The following CADM2 variants were observed in gnomAD, a reference collection of about 807,000 sequenced individuals.
CADM2 encodes the protein cell adhesion molecule 2, also known as immunoglobulin superfamily member 4D.
In CADM2, 12 loss-of-function variants were observed where a neutral mutation model predicts 49.8. The observed-to-expected ratio is 0.24, with a 90% confidence interval of 0.15 to 0.39. The LOEUF (loss-of-function observed/expected upper bound fraction) is 0.39, where lower values mean the gene tolerates loss of function less well. Ranked by LOEUF, CADM2 falls within the 10% of genes least tolerant of loss-of-function variation. The pLI is 1.00. For missense variants in CADM2, 378 were observed against 492.3 expected, an observed-to-expected ratio of 0.77 and a Z score of 2.20; for synonymous variants, 214 against 175.4, an observed-to-expected ratio of 1.22 and a Z score of -1.74.
chr3:85,089,133 G>C (rs956628404), intron 1 of CADM2, among the ~76,000 whole-genome samples: 9 of 151,928 alleles, frequency 5.9e-5, no homozygotes, highest in African/African-American at 1.9e-4. Flanking sequence ...GCAGTATTTA[G>C]AGTCTTCTAC....
At chr3:85,757,661 T>A (rs1201388767) in intron 2 of CADM2, among the ~76,000 whole-genome samples, 1 of 152,160 alleles carries the variant, frequency 6.6e-6, no homozygotes, top group Non-Finnish European at 1.5e-5. Flanking sequence ...TAATGATTAA[T>A]GCAGTTGAGA....
intron 1 of CADM2, among the ~76,000 whole-genome samples, chr3:85,034,367 G>C (rs2035118204): frequency 6.6e-6 from 1 of 151,966 alleles, no homozygotes; most frequent in Admixed American, 6.5e-5. Context: ...ACCTTTGCCT[G>C]GCTTATTTCC....
At chr3:85,660,086 T>C (rs6810163) in intron 1 of CADM2, among the ~76,000 whole-genome samples, 151,848 of 152,252 alleles carry the variant, frequency 1, 75,724 homozygotes, top group East Asian at 1. Context: ...TTGATTTTCT[T>C]CATTTGTACC....
chr3:85,686,456 C>A (rs1301572616), intron 1 of CADM2, among the ~76,000 whole-genome samples: 1 of 152,108 alleles, frequency 6.6e-6, no homozygotes, highest in Non-Finnish European at 1.5e-5. Context: ...TTTATGTAAT[C>A]TCTGACACTA....
At chr3:85,110,295 G>T (rs1364755374) in intron 1 of CADM2, among the ~76,000 whole-genome samples, 1 of 151,606 alleles carries the variant, frequency 6.6e-6, no homozygotes, top group African/African-American at 2.4e-5. Flanking sequence ...ACTGTGGGGG[G>T]CAGATTTTAT....
chr3:85,881,182 C>A (rs1226384306), intron 3 of CADM2, among the ~76,000 whole-genome samples: 1 of 151,972 alleles, frequency 6.6e-6, no homozygotes, highest in Non-Finnish European at 1.5e-5. Context: ...TTTCATTGTA[C>A]TATAGAGAAA....
intron 5 of CADM2, among the ~76,000 whole-genome samples, chr3:85,893,439 A>T (rs570197034): frequency 6.5e-4 from 99 of 152,340 alleles, no homozygotes; most frequent in African/African-American, 2.4e-3. Context: ...GGCATGGGCA[A>T]GGGCTTCATG....
At chr3:85,983,083 T>G (rs1727668864) in intron 8 of CADM2, among the ~76,000 whole-genome samples, 1 of 151,786 alleles carries the variant, frequency 6.6e-6, no homozygotes, top group Admixed American at 6.6e-5. Context: ...GCTGGATTTT[T>G]CATCCTATGA....
chr3:85,401,739 G>A (rs1195339025), intron 1 of CADM2, among the ~76,000 whole-genome samples: 1 of 152,050 alleles, frequency 6.6e-6, no homozygotes, highest in Non-Finnish European at 1.5e-5. Flanking sequence ...CAGACACAAA[G>A]GAAAGAGGGG....
At chr3:85,495,422 A>G (rs1381128925) in intron 1 of CADM2, among the ~76,000 whole-genome samples, 1 of 152,120 alleles carries the variant, frequency 6.6e-6, no homozygotes, top group Non-Finnish European at 1.5e-5. Context: ...TTCTTCCTTT[A>G]GCTAAAACTG....
At chr3:85,743,683 A>G (rs1186103441) in intron 2 of CADM2, among the ~76,000 whole-genome samples, 1 of 152,158 alleles carries the variant, frequency 6.6e-6, no homozygotes, top group Non-Finnish European at 1.5e-5. Flanking sequence ...ACCTGTCCTC[A>G]CAAATCCAGA....
At chr3:85,976,157 A>C (rs1726754031) in intron 8 of CADM2, among the ~76,000 whole-genome samples, 1 of 151,596 alleles carries the variant, frequency 6.6e-6, no homozygotes, top group Non-Finnish European at 1.5e-5. Flanking sequence ...ATATTGGGGA[A>C]TATTTTAAGC....
intron 1 of CADM2, among the ~76,000 whole-genome samples, chr3:85,679,407 T>C (rs2065975591): frequency 6.6e-6 from 1 of 152,174 alleles, no homozygotes; most frequent in Non-Finnish European, 1.5e-5. Flanking sequence ...TGGTCTCTGA[T>C]TGTCTTATGT....
At chr3:85,003,620 A>T (rs545029778) in intron 1 of CADM2, among the ~76,000 whole-genome samples, 1 of 152,254 alleles carries the variant, frequency 6.6e-6, no homozygotes, top group African/African-American at 2.4e-5. Flanking sequence ...CTTAAACCAA[A>T]AAAATAAAAT....
At chr3:85,987,487 GTA>G (rs1208087894) in intron 8 of CADM2, among the ~76,000 whole-genome samples, 1 of 150,272 alleles carries the variant, frequency 6.7e-6, no homozygotes, top group South Asian at 2.1e-4. Context: ...TAATCTAACA[GTA>G]TATATGTTTT....
chr3:85,442,852 A>G (rs9847561), intron 1 of CADM2, among the ~76,000 whole-genome samples: 129,020 of 151,332 alleles, frequency 0.85, 55,270 homozygotes, highest in East Asian at 0.95. Context: ...AAAGAAATTG[A>G]TATAATATCA....
intron 1 of CADM2, among the ~76,000 whole-genome samples, chr3:85,205,609 T>C (rs1390441696): frequency 6.6e-6 from 1 of 151,726 alleles, no homozygotes; most frequent in Admixed American, 6.6e-5. Context: ...TTAAAAAGAG[T>C]AAAAAGTAGC....
chr3:85,561,719 G>C (rs1180237832), intron 1 of CADM2, among the ~76,000 whole-genome samples: 1 of 152,158 alleles, frequency 6.6e-6, no homozygotes, highest in Non-Finnish European at 1.5e-5. Context: ...CTGTTCATAT[G>C]TTCATTCATT....
At chr3:85,979,164 A>C in intron 8 of CADM2, 1 of 1,609,244 alleles carries the variant, frequency 6.2e-7, no homozygotes, top group Non-Finnish European at 8.5e-7. Context: ...CACTCACCAG[A>C]TGTTCCCAAC....
Sources: gnomAD v4.1 joint callset for allele counts (sites outside exome capture counted in the v4.1 genomes callset) on GRCh38, gnomAD v4.1.1 for gene constraint, MANE v1.5 for transcripts, NCBI Gene and HGNC (gene_info 2026-07-23, HGNC 2026-07-21) for gene names.